Variants in KCNMB2 observed in about 807,000 individuals in gnomAD.
KCNMB2 encodes potassium calcium-activated channel subfamily M regulatory beta subunit 2.
KCNMB2 carries 9 observed loss-of-function variants against 24.5 expected under a neutral mutation model. The ratio of observed to expected loss-of-function variants is 0.37; its 90% confidence interval spans 0.22 to 0.64. KCNMB2 has a LOEUF of 0.64. Ranked by LOEUF, KCNMB2 falls within the 30% of genes least tolerant of loss-of-function variation. The pLI, the probability that KCNMB2 is intolerant of heterozygous loss-of-function variation, is 0.63. For synonymous variants in KCNMB2, 109 were observed against 104.4 expected (o/e 1.04, Z -0.27); for missense variants, 226 against 284.3 (o/e 0.79, Z 1.47).
chr3:178,828,964 TGTGTGTGTG>T (rs1207117206), intron 4 of KCNMB2, among the ~76,000 whole-genome samples: 2 of 139,716 alleles, frequency 1.4e-5, no homozygotes, highest in African/African-American at 5.3e-5. Context: ...TGTGTGTGTG[TGTGTGTGTG>T]TTCTTCACAT....
At chr3:178,721,278 T>G (rs1392985724) in intron 1 of KCNMB2, among the ~76,000 whole-genome samples, 2 of 152,212 alleles carry the variant, frequency 1.3e-5, no homozygotes, top group African/African-American at 4.8e-5. Flanking sequence ...AAAGATCAGA[T>G]AGTTGTAGAT....
chr3:178,783,934 G>A (rs1012368427), intron 1 of KCNMB2, among the ~76,000 whole-genome samples: 55 of 152,206 alleles, frequency 3.6e-4, no homozygotes, highest in East Asian at 1.5e-3. Context: ...TGGGTTTGTC[G>A]TAGATAGCTC....
At chr3:178,607,765 G>A (rs1223706818) in intron 1 of KCNMB2, among the ~76,000 whole-genome samples, 1 of 152,076 alleles carries the variant, frequency 6.6e-6, no homozygotes, top group Non-Finnish European at 1.5e-5. Flanking sequence ...GTCAGCTACT[G>A]AGTATCTAAC....
At chr3:178,729,341 TGATTAGGAA>T (rs1375117663) in intron 1 of KCNMB2, 2 of 152,172 alleles carry the variant, frequency 1.3e-5, no homozygotes, top group African/African-American at 4.8e-5. Context: ...CTCACAGTAT[TGATTAGGAA>T]GATGGCCGAA....
At chr3:178,747,093 G>C (rs1723695854) in intron 1 of KCNMB2, 1 of 152,414 alleles carries the variant, frequency 6.6e-6, no homozygotes, top group Non-Finnish European at 1.5e-5. Context: ...TCATGCTGCT[G>C]ATGAAGACAT....
chr3:178,710,118 T>C (rs1043429607), intron 1 of KCNMB2, among the ~76,000 whole-genome samples: 18 of 152,080 alleles, frequency 1.2e-4, no homozygotes, highest in African/African-American at 4.1e-4. Context: ...CCTGAAGTAA[T>C]ATAGTTAACC....
At chr3:178,672,823 C>T (rs937837957) in intron 1 of KCNMB2, among the ~76,000 whole-genome samples, 3 of 152,210 alleles carry the variant, frequency 2.0e-5, no homozygotes, top group Non-Finnish European at 4.4e-5. Context: ...CCGCTCTCCT[C>T]TAGTGATATT....
chr3:178,557,591 G>A (rs901738973), intron 1 of KCNMB2, among the ~76,000 whole-genome samples: 2 of 152,140 alleles, frequency 1.3e-5, no homozygotes, highest in African/African-American at 4.8e-5. Flanking sequence ...CGTTGGCCAT[G>A]CCTTTACAAA....
chr3:178,677,822 GT>G (rs1434201290), intron 1 of KCNMB2, among the ~76,000 whole-genome samples: 1 of 152,156 alleles, frequency 6.6e-6, no homozygotes, highest in African/African-American at 2.4e-5. Flanking sequence ...GAACAGGTTG[GT>G]CAAGTATGCA....
At chr3:178,680,703 T>C (rs1221460082) in intron 1 of KCNMB2, among the ~76,000 whole-genome samples, 1 of 152,208 alleles carries the variant, frequency 6.6e-6, no homozygotes, top group Non-Finnish European at 1.5e-5. Context: ...CACGCTCTCC[T>C]GGTTTTGCTC....
At position 178,843,414 on chromosome 3, in the gene KCNMB2, G is replaced by C. The variant is rs1715500606; in HGVS notation, c.*477G>C. ...GAAGGGACCAGATTTCCTAATTAAA[G>C]GAAGTTAGGTACTTTTCTTGTATTT... On this transcript the variant is annotated 3_prime_UTR_variant, in exon 5 of 5. Coordinates refer to ENST00000452583, the MANE Select transcript of KCNMB2 (RefSeq NM_181361.3). The C allele has an allele frequency of 4.8e-6, 1 of 206,452 alleles. No individual in the cohort carries two copies. Among genetic ancestry groups the C allele is most frequent in the Non-Finnish European group, 1.0e-5 (1 of 98,258 alleles). The allele number at this position is 206,452 out of a possible 1,614,324, so 12.8% of individuals were successfully genotyped here. A position where few individuals can be genotyped will look rare whatever the true frequency, so the allele number is the denominator to read the frequency against.
intron 1 of KCNMB2, among the ~76,000 whole-genome samples, chr3:178,780,151 G>A (rs937192149): frequency 5.3e-5 from 8 of 150,556 alleles, no homozygotes; most frequent in Non-Finnish European, 1.0e-4. Flanking sequence ...TACTTAGATT[G>A]CCCTTTCTTT....
rs73046000 is a variant in KCNMB2, at chr3:178,694,250, G to A, written c.-67-113093G>A. Among the ~76,000 whole-genome samples, 285 of 152,210 alleles carry A rather than the reference G, an allele frequency of 1.9e-3. 1 individual carries two copies. The highest frequency in any genetic ancestry group is 5.9e-3 in the African/African-American group (246 of 41,546). ...TCACAAGAACAGAATGGGGGAAACC[G>A]CACCCCTGATTCAGTTATTTCCACC... On this transcript the variant is annotated intron_variant, in intron 1 of 4. Coordinates refer to ENST00000452583, the MANE Select transcript of KCNMB2 (RefSeq NM_181361.3).
chr3:178,722,508 AACTC>A (rs1425194218), intron 1 of KCNMB2, among the ~76,000 whole-genome samples: 1 of 152,190 alleles, frequency 6.6e-6, no homozygotes, highest in East Asian at 1.9e-4. Context: ...TTTTATAACA[AACTC>A]ACTCTGGTGA....
intron 1 of KCNMB2, among the ~76,000 whole-genome samples, chr3:178,701,860 T>C (rs989310848): frequency 5.3e-5 from 8 of 152,304 alleles, no homozygotes; most frequent in Admixed American, 2.0e-4. Flanking sequence ...GACAGTGTGG[T>C]GATTCCTCAG....
At chr3:178,573,584 A>T (rs1035379681) in intron 1 of KCNMB2, among the ~76,000 whole-genome samples, 2 of 65,360 alleles carry the variant, frequency 3.1e-5, no homozygotes, top group Admixed American at 1.6e-4. Flanking sequence ...TACAAAACAT[A>T]AAAAAAAAAA....
intron 1 of KCNMB2, among the ~76,000 whole-genome samples, chr3:178,577,298 TAACA>T (rs1717031284): frequency 6.6e-6 from 1 of 152,010 alleles, no homozygotes; most frequent in African/African-American, 2.4e-5. Flanking sequence ...GAAGGAAAAC[TAACA>T]AACAGAAAGG....
chr3:178,704,281 A>G (rs1238910855), intron 1 of KCNMB2, among the ~76,000 whole-genome samples: 1 of 152,020 alleles, frequency 6.6e-6, no homozygotes, highest in Non-Finnish European at 1.5e-5. Context: ...TCAACTAATA[A>G]GAGATAGTCT....
At chr3:178,836,330 A>C (rs2108475704) in intron 4 of KCNMB2, among the ~76,000 whole-genome samples, 1 of 152,184 alleles carries the variant, frequency 6.6e-6, no homozygotes, top group East Asian at 1.9e-4. Context: ...GGAAAAAAAA[A>C]TTTAGTCAGT....
Sources: allele counts gnomAD v4.1 joint callset (sites outside exome capture counted in the v4.1 genomes callset), GRCh38; gene constraint gnomAD v4.1.1; transcripts MANE v1.5; gene names NCBI Gene and HGNC (gene_info 2026-07-23, HGNC 2026-07-21).